CPLX2: variants seen among roughly 807,000 people sequenced by gnomAD.
CPLX2 encodes the protein complexin 2.
A neutral mutation model predicts 16.3 loss-of-function variants in CPLX2; 5 were observed. The ratio of observed to expected loss-of-function variants is 0.31; its 90% CI spans 0.16 to 0.64. The LOEUF (loss-of-function observed/expected upper bound fraction) is 0.64, where lower values mean the gene tolerates loss of function less well. Among genes scored for constraint, CPLX2 ranks in the 30% least tolerant of loss-of-function variants. The pLI is 0.79. For missense variants in CPLX2, 144 were observed against 181.4 expected (o/e 0.79, Z 1.18); for synonymous variants, 89 against 73.2 (o/e 1.22, Z -1.10).
At chr5:175,867,533 C>T (rs1424090702), upstream of CPLX2, among the ~76,000 whole-genome samples, 2 of 152,150 alleles carry the variant, frequency 1.3e-5, no homozygotes, top group African/African-American at 4.8e-5. Context: ...ACACAACCTG[C>T]ACAGCTCTAT....
intron 1 of CPLX2, among the ~76,000 whole-genome samples, chr5:175,802,371 A>C (rs1382435362): frequency 6.6e-6 from 1 of 152,194 alleles, no homozygotes; most frequent in Non-Finnish European, 1.5e-5. Context: ...TTCAGAAGTT[A>C]ATCTTGGTAA....
chr5:175,821,562 C>T (rs975691907), intron 2 of CPLX2, among the ~76,000 whole-genome samples: 1 of 152,112 alleles, frequency 6.6e-6, no homozygotes, highest in African/African-American at 2.4e-5. Flanking sequence ...CACCTGTCAC[C>T]ATGCCCGGCT....
chr5:175,837,262 C>T (rs1006624789), intron 2 of CPLX2, among the ~76,000 whole-genome samples: 1 of 152,204 alleles, frequency 6.6e-6, no homozygotes, highest in African/African-American at 2.4e-5. Flanking sequence ...CCCCACGGGG[C>T]GTCTCTGCAC....
At chr5:175,828,238 G>C (rs1462629087) in intron 2 of CPLX2, among the ~76,000 whole-genome samples, 1 of 152,150 alleles carries the variant, frequency 6.6e-6, no homozygotes, top group Admixed American at 6.5e-5. Context: ...ATCCGGATCT[G>C]GGTCCTGAGA....
chr5:175,856,814 G>A (rs1759267043), intron 2 of CPLX2, among the ~76,000 whole-genome samples: 1 of 152,174 alleles, frequency 6.6e-6, no homozygotes, highest in Non-Finnish European at 1.5e-5. Context: ...ACCAGCTGGG[G>A]TGTGATTGGT....
intron 2 of CPLX2, among the ~76,000 whole-genome samples, chr5:175,818,357 A>G (rs1758445508): frequency 6.6e-6 from 1 of 152,182 alleles, no homozygotes; most frequent in African/African-American, 2.4e-5. Context: ...GGGCTGATCC[A>G]GCAGAAAAGG....
Position 175,879,943 on chromosome 5 carries a change from C to T in CPLX2, c.303C>T (p.Ile101=), listed in dbSNP as rs1561793843. ...EGSLTRPKKA[I]PAGCGDEEEE... ...GCCTGACCCGGCCCAAGAAGGCCAT[C>T]CCTGCGGGCTGCGGGGACGAGGAGG... The change falls in exon 4 of 4, where the codon ATC becomes ATT. Residue 101 remains isoleucine, a synonymous_variant. Transcript: ENST00000393745. 6.2e-7 allele frequency: 1 copy of T among 1,614,008 alleles called. No individual in the cohort carries two copies. Among genetic ancestry groups the T allele is most frequent in the Non-Finnish European group, 8.5e-7 (1 of 1,179,954 alleles).
intron 2 of CPLX2, among the ~76,000 whole-genome samples, chr5:175,860,516 AAAAGAAAGAAAG>A (rs765708535): frequency 4.7e-5 from 1 of 21,362 alleles, no homozygotes; most frequent in Non-Finnish European, 8.2e-5. Context: ...GAAAGAAAGA[AAAAGAAAGAAAG>A]AAAGAAAGAA....
At chr5:175,824,646 G>C (rs936025392) in intron 2 of CPLX2, among the ~76,000 whole-genome samples, 7 of 152,242 alleles carry the variant, frequency 4.6e-5, no homozygotes, top group African/African-American at 1.7e-4. Flanking sequence ...GAGAAGCCAT[G>C]AGAGCCAGCA....
chr5:175,830,216 T>C lies in CPLX2; in HGVS notation c.-89+21148T>C, dbSNP rs1427706713. 6.6e-6 allele frequency among the ~76,000 whole-genome samples: 1 copy of C among 152,196 alleles called. No individual in the cohort carries two copies. Among genetic ancestry groups the C allele is most frequent in the Non-Finnish European group, 1.5e-5 (1 of 68,034 alleles). On this transcript the variant is annotated intron_variant, in intron 2 of 4. Coordinates refer to the CPLX2 transcript ENST00000359546. This position sits in a 1 kb window ranked among gnomAD's most constrained non-coding sequence, Gnocchi z 4.0. The stretch of plus-strand genomic sequence containing the variant: ...CACTGCCGCCACAGAGCTGCCCTGG[T>C]TCCCTGCCCCCGGGGGAGCACAGCC...
Position 175,849,575 on chromosome 5 carries a change from T to C in CPLX2, c.-88-29077T>C, listed in dbSNP as rs1759112561. ...CCTGCACAAGGGGGTGCTACCACGC[T>C]GGACAGGGGACCACACTGGCTGGGG... On this transcript the variant is annotated intron_variant, in intron 2 of 4. Transcript: ENST00000359546. The surrounding 1 kb of genome is among the most constrained non-coding windows in gnomAD (Gnocchi z 4.4). 6.6e-6 allele frequency among the ~76,000 whole-genome samples: 1 copy of C among 152,160 alleles called. No homozygotes were observed. Among genetic ancestry groups the C allele is most frequent in the African/African-American group, 2.4e-5 (1 of 41,454 alleles).
At chr5:175,810,307 C>T (rs1374775029) in intron 2 of CPLX2, among the ~76,000 whole-genome samples, 3 of 151,902 alleles carry the variant, frequency 2.0e-5, no homozygotes, top group African/African-American at 4.8e-5. Flanking sequence ...CACAGAGAGT[C>T]GGGGACAGAG....
At chr5:175,801,060 A>C (rs1157576411) in intron 1 of CPLX2, among the ~76,000 whole-genome samples, 1 of 151,522 alleles carries the variant, frequency 6.6e-6, no homozygotes, top group African/African-American at 2.4e-5. Flanking sequence ...GGGAGGGGGC[A>C]GAGAGGAGAT....
chr5:175,871,447 G>A (rs796133762), upstream of CPLX2: 3 of 95,736 alleles, frequency 3.1e-5, no homozygotes, highest in African/African-American at 8.4e-5. Context: ...GAGAGAGAGA[G>A]AGAGAGAGAG....
At position 175,809,691 on chromosome 5, in the gene CPLX2, C is replaced by T. The variant is rs1293092719; in HGVS notation, c.-89+623C>T. Among the ~76,000 whole-genome samples, 2 of 152,130 alleles carry T rather than the reference C, an allele frequency of 1.3e-5. No homozygotes were observed. The highest frequency in any genetic ancestry group is 4.8e-5 in the African/African-American group (2 of 41,408). On this transcript the variant is annotated intron_variant, in intron 2 of 4. Coordinates refer to the CPLX2 transcript ENST00000359546. The surrounding 1 kb of genome is among the most constrained non-coding windows in gnomAD (Gnocchi z 4.4). ...GGAGGAGTCAACCTCAGCTCCTCTT[C>T]CAGGTGGCCGGCCAAGCTCGGATCA...
At chr5:175,822,017 G>C (rs1758519116) in intron 2 of CPLX2, among the ~76,000 whole-genome samples, 1 of 152,178 alleles carries the variant, frequency 6.6e-6, no homozygotes, top group Non-Finnish European at 1.5e-5. Context: ...TGAAACGTGG[G>C]CTGACTCTGG....
chr5:175,871,469 G>GAA, upstream of CPLX2: 1 of 146,878 alleles, frequency 6.8e-6, no homozygotes, highest in African/African-American at 2.5e-5. Context: ...GAGAGAGAGA[G>GAA]AGAGAGAGAG....
chr5:175,797,291 C>T (rs1004011601), intron 1 of CPLX2, among the ~76,000 whole-genome samples: 2 of 152,180 alleles, frequency 1.3e-5, no homozygotes, highest in African/African-American at 4.8e-5. Context: ...GTGTCACCGG[C>T]GAGCTAGGCG....
At chr5:175,800,830 T>C (rs1758080004) in intron 1 of CPLX2, among the ~76,000 whole-genome samples, 1 of 152,132 alleles carries the variant, frequency 6.6e-6, no homozygotes, top group Admixed American at 6.6e-5. Context: ...TTGATAACAA[T>C]TGAAAAGCAA....
Sources: allele counts gnomAD v4.1 joint callset (sites outside exome capture counted in the v4.1 genomes callset), GRCh38; gene constraint gnomAD v4.1.1; non-coding constraint Gnocchi (gnomAD v3.1); transcripts MANE v1.5; gene names NCBI Gene and HGNC (gene_info 2026-07-23, HGNC 2026-07-21).